Variants in CDH8 observed in about 807,000 individuals in gnomAD.
CDH8 encodes cadherin-8.
A neutral mutation model predicts 68.1 loss-of-function variants in CDH8; 17 were observed. The ratio of observed to expected loss-of-function variants is 0.25; its 90% CI spans 0.17 to 0.37. The LOEUF (loss-of-function observed/expected upper bound fraction) is 0.37. Ranked by LOEUF, CDH8 falls within the 10% of genes least tolerant of loss-of-function variation. CDH8 has a pLI of 1.00. For synonymous variants in CDH8, 372 were observed against 365.1 expected (o/e 1.02, Z -0.21); for missense variants, 763 against 999.3 (o/e 0.76, Z 3.19).
chr16:61,824,942 A>C (rs1962294809), intron 5 of CDH8, 70 bp downstream of exon 5: 1 of 1,350,932 alleles, frequency 7.4e-7, no homozygotes, highest in Admixed American at 2.1e-5. Flanking sequence ...ATTATCACTA[A>C]AAATTATAAT....
chr16:61,866,846 C>G (rs1361922557), intron 3 of CDH8, among the ~76,000 whole-genome samples: 1 of 152,134 alleles, frequency 6.6e-6, no homozygotes, highest in African/African-American at 2.4e-5. Context: ...CTGTGCTCTC[C>G]AGAGCAAGCT....
intron 1 of CDH8, among the ~76,000 whole-genome samples, chr16:62,029,654 A>G (rs529113516): frequency 1.3e-5 from 2 of 152,220 alleles, no homozygotes; most frequent in Non-Finnish European, 2.9e-5. Context: ...ATCAAACTGT[A>G]GCCGCTCATT....
intron 10 of CDH8, among the ~76,000 whole-genome samples, chr16:61,704,469 C>T (rs1596882682): frequency 6.6e-6 from 1 of 152,040 alleles, no homozygotes; most frequent in East Asian, 1.9e-4. Context: ...TAATACTATC[C>T]AATATTTTAA....
intron 8 of CDH8, among the ~76,000 whole-genome samples, chr16:61,782,501 G>A (rs937172513): frequency 1.9e-4 from 29 of 152,102 alleles, no homozygotes; most frequent in African/African-American, 6.3e-4. Context: ...AGGCAGCAGC[G>A]AGGCTGGGGG....
intron 3 of CDH8, among the ~76,000 whole-genome samples, chr16:61,891,719 A>G (rs1963782043): frequency 6.6e-6 from 1 of 152,172 alleles, no homozygotes; most frequent in Non-Finnish European, 1.5e-5. Flanking sequence ...TATCAGGTAG[A>G]ACAGCTAGAT....
intron 10 of CDH8, among the ~76,000 whole-genome samples, chr16:61,702,782 A>C (rs910124491): frequency 2.0e-5 from 3 of 152,240 alleles, no homozygotes; most frequent in Non-Finnish European, 4.4e-5. Flanking sequence ...GATTTAAGAG[A>C]CAGTGTGTGC....
chr16:62,034,608 T>C (rs1902408415), intron 1 of CDH8, among the ~76,000 whole-genome samples: 1 of 152,034 alleles, frequency 6.6e-6, no homozygotes. Context: ...TCGTTCCCAT[T>C]GTCAGCCCCC....
intron 8 of CDH8, among the ~76,000 whole-genome samples, chr16:61,788,703 T>C (rs913252422): frequency 6.6e-6 from 1 of 152,008 alleles, no homozygotes; most frequent in African/African-American, 2.4e-5. Flanking sequence ...ATAAAAAGAT[T>C]AACAAGTTAT....
At chr16:62,006,638 T>C (rs1965980707) in intron 2 of CDH8, among the ~76,000 whole-genome samples, 1 of 152,148 alleles carries the variant, frequency 6.6e-6, no homozygotes, top group Non-Finnish European at 1.5e-5. Context: ...ACTGAGCTAT[T>C]AAAAATGTAT....
intron 4 of CDH8, among the ~76,000 whole-genome samples, chr16:61,842,478 C>T (rs1320773223): frequency 5.3e-5 from 8 of 152,124 alleles, no homozygotes; most frequent in Non-Finnish European, 1.2e-4. Flanking sequence ...ATGCTGCCAC[C>T]TAGATCTTGG....
intron 2 of CDH8, among the ~76,000 whole-genome samples, chr16:61,980,375 G>A (rs891221045): frequency 3.3e-5 from 5 of 152,102 alleles, no homozygotes; most frequent in South Asian, 2.1e-4. Flanking sequence ...CTTACCAAGC[G>A]TGTAACTTTG....
intron 8 of CDH8, among the ~76,000 whole-genome samples, chr16:61,757,018 T>A (rs371928912): frequency 2.3e-4 from 35 of 152,278 alleles, no homozygotes; most frequent in African/African-American, 8.4e-4. Context: ...CAAAGAAGGG[T>A]AGACATGACA....
rs927169856 is a variant in CDH8, at chr16:61,726,714, T to C, written c.1536+380A>G. ...GTTTCACTATTATTTGGTATTCATA[T>C]GTTTGCTGTGAAACAAATGTCTCCT... On this transcript the variant is annotated intron_variant, in intron 9 of 11. Transcript: ENST00000577390. 3 of 301,426 alleles carry C rather than the reference T, an allele frequency of 1.0e-5. No individual in the cohort carries two copies. The East Asian group carries it at 1.6e-4, about 16-fold the overall frequency. 18.7% of individuals were successfully genotyped at this position (301,426 alleles called of 1,614,324 possible). A position where few individuals can be genotyped will look rare whatever the true frequency, so the allele number is the denominator to read the frequency against.
At chr16:61,704,717 T>C (rs1188620554) in intron 10 of CDH8, among the ~76,000 whole-genome samples, 2 of 152,240 alleles carry the variant, frequency 1.3e-5, no homozygotes, top group Non-Finnish European at 2.9e-5. Flanking sequence ...TGTTAATTGG[T>C]GGACTTGGGA....
chr16:61,653,713 G>A lies in CDH8; in HGVS notation c.2295C>T (p.Thr765=), dbSNP rs546774504. 1 of 1,614,156 alleles carries A rather than the reference G, an allele frequency of 6.2e-7. No individual in the cohort carries two copies. Among genetic ancestry groups the A allele is most frequent in the South Asian group, 1.1e-5 (1 of 91,088 alleles). The change falls in exon 12 of 12, where the codon ACC becomes ACT. Residue 765 remains threonine (T), a synonymous_variant. Coordinates refer to ENST00000577390, the MANE Select transcript of CDH8 (RefSeq NM_001796.5). ...CAAAATTCTGGTCTGAGTCTGATGT[G>A]GTGGACTCCAAGGAGCTGAGGGAGC... ...VAGSLSSLES[T]TSDSDQNFDY... is the part of the protein sequence containing the mutation.
At chr16:61,976,170 G>T (rs1400458683) in intron 2 of CDH8, among the ~76,000 whole-genome samples, 1 of 152,122 alleles carries the variant, frequency 6.6e-6, no homozygotes, top group African/African-American at 2.4e-5. Flanking sequence ...AAAATGTACT[G>T]CATACAAAAC....
At chr16:61,818,018 C>T (rs559808824) in intron 6 of CDH8, 28 of 273,286 alleles carry the variant, frequency 1.0e-4, no homozygotes, top group African/African-American at 6.2e-4. Context: ...ATCAAAATTT[C>T]ACTTCAGAGT....
chr16:61,843,040 G>T (rs1388002778), intron 4 of CDH8, among the ~76,000 whole-genome samples: 3 of 152,008 alleles, frequency 2.0e-5, no homozygotes, highest in African/African-American at 7.2e-5. Context: ...GGGCTAAAGG[G>T]TGGCTCTAAA....
chr16:61,783,519 T>G (rs1274304038), intron 8 of CDH8, among the ~76,000 whole-genome samples: 1 of 151,718 alleles, frequency 6.6e-6, no homozygotes. Flanking sequence ...CTCTGCAGGA[T>G]ATTATCCAGG....
Sources: gnomAD v4.1 joint callset for allele counts (sites outside exome capture counted in the v4.1 genomes callset) on GRCh38, gnomAD v4.1.1 for gene constraint, MANE v1.5 for transcripts, NCBI Gene and HGNC (gene_info 2026-07-23, HGNC 2026-07-21) for gene names.